Variants in NWD1 observed in about 807,000 individuals in gnomAD.
NWD1 encodes NACHT and WD repeat domain containing 1.
In NWD1, 129 loss-of-function variants were observed where a neutral mutation model predicts 135.1. That is an observed-to-expected ratio of 0.96 (90% confidence interval 0.83 to 1.11). NWD1 has a LOEUF of 1.11. Among genes scored for constraint, NWD1 ranks in the 50% least tolerant of loss-of-function variants. The pLI, the probability that NWD1 is intolerant of heterozygous loss-of-function variation, is 0.00. For synonymous variants in NWD1, 773 were observed against 786.0 expected (o/e 0.98, Z 0.28); for missense variants, 1,740 against 1,851.3 (o/e 0.94, Z 1.10).
chr19:16,813,302 A>G (rs1227328474), intron 18 of NWD1, among the ~76,000 whole-genome samples: 1 of 152,122 alleles, frequency 6.6e-6, no homozygotes, highest in Non-Finnish European at 1.5e-5. Context: ...AGAATTCTCA[A>G]TCTGTTTCCA....
intron 18 of NWD1, among the ~76,000 whole-genome samples, chr19:16,809,240 T>A (rs1361075108): frequency 6.6e-6 from 1 of 151,462 alleles, no homozygotes; most frequent in Non-Finnish European, 1.5e-5. Flanking sequence ...AGCACCACCA[T>A]GCCCAGCTAA....
chr19:16,748,486 C>T (rs1968413620), intron 5 of NWD1, among the ~76,000 whole-genome samples: 1 of 152,100 alleles, frequency 6.6e-6, no homozygotes, highest in South Asian at 2.1e-4. Context: ...GACTGCTCCT[C>T]ACATGGGACC....
At chr19:16,775,831 C>T (rs1969580077) in intron 11 of NWD1, among the ~76,000 whole-genome samples, 1 of 152,096 alleles carries the variant, frequency 6.6e-6, no homozygotes, top group South Asian at 2.1e-4. Context: ...CCATGCCTGG[C>T]TAATTTTTGT....
chr19:16,791,388 C>T lies in NWD1; in HGVS notation c.2979C>T (p.Phe993=), dbSNP rs1394814722. The T allele has an allele frequency of 1.2e-6, 2 of 1,613,940 alleles. No homozygotes were observed. The highest frequency in any genetic ancestry group is 1.7e-6 in the Non-Finnish European group (2 of 1,179,970). Residue 993 remains phenylalanine (F), a synonymous_variant, in exon 14 of 19, where the codon TTC becomes TTT. Coordinates refer to ENST00000524140, the MANE Select transcript of NWD1 (RefSeq NM_001007525.5). ...AWNLETAEPV[F]HILGDASDPW... Reference sequence around the variant, plus strand: ...ATCTGGAAACTGCAGAGCCGGTATTCCATATCCTGGGAGATGCCTCTGATC... The same window carrying T: ...ATCTGGAAACTGCAGAGCCGGTATTTCATATCCTGGGAGATGCCTCTGATC...
chr19:16,772,735 T>A (rs961119799), intron 10 of NWD1, among the ~76,000 whole-genome samples: 2 of 151,840 alleles, frequency 1.3e-5, no homozygotes, highest in African/African-American at 4.8e-5. Context: ...TTTGGGAGGC[T>A]GAGATGGGAG....
chr19:16,752,397 T>G (rs1968616235), intron 6 of NWD1, among the ~76,000 whole-genome samples: 1 of 152,212 alleles, frequency 6.6e-6, no homozygotes, highest in South Asian at 2.1e-4. Context: ...AGCTCACTCC[T>G]GTAATGCCAG....
At chr19:16,739,329 C>CA (rs67106916) in intron 4 of NWD1, among the ~76,000 whole-genome samples, 1,390 of 78,914 alleles carry the variant, frequency 0.018, 26 homozygotes, top group East Asian at 0.069. Flanking sequence ...CTATCTCTAC[C>CA]AAAAAAAAAA....
In NWD1 at chr19:16,773,291, C is replaced by T. The variant is rs1448942093; in HGVS notation, c.2576C>T (p.Pro859Leu). The T allele has an allele frequency of 3.1e-6, 5 of 1,613,124 alleles. No individual in the cohort carries two copies. Among genetic ancestry groups the T allele is most frequent in the African/African-American group, 1.3e-5 (1 of 75,040 alleles). ...GGATTCCTCCAGCCCCCGGGAGGAC[C>T]CCTCCGGGCAACTCTCAGCGGCTGT... ...LGGFLQPPGG[P>L]LRATLSGCHK... Residue 859 changes from proline (P) to leucine (L), a missense_variant, in exon 11 of 19, where the codon CCC becomes CTC. Physicochemically the swap from Pro to Leu is moderately conservative, Grantham distance 98. Coordinates refer to ENST00000524140, the MANE Select transcript of NWD1 (RefSeq NM_001007525.5).
At chr19:16,736,600 A>T in intron 3 of NWD1, 34 bp from the exon 4 acceptor site, 1 of 1,308,880 alleles carries the variant, frequency 7.6e-7, no homozygotes, top group African/African-American at 1.5e-5. Context: ...CTGTCATGCC[A>T]CCTCTCTGAC....
At chr19:16,754,712 C>T (rs1968719572) in intron 6 of NWD1, among the ~76,000 whole-genome samples, 1 of 151,270 alleles carries the variant, frequency 6.6e-6, no homozygotes, top group Non-Finnish European at 1.5e-5. Context: ...AGCATCCATC[C>T]ATCCATCCAT....
intron 17 of NWD1, among the ~76,000 whole-genome samples, chr19:16,805,503 A>G (rs1376511374): frequency 4.6e-5 from 7 of 151,872 alleles, no homozygotes; most frequent in African/African-American, 1.7e-4. Flanking sequence ...TAATTTTTTT[A>G]ATGTTTTTGC....
chr19:16,729,974 C>T (rs559716783), intron 2 of NWD1, among the ~76,000 whole-genome samples: 2 of 152,200 alleles, frequency 1.3e-5, no homozygotes, highest in Non-Finnish European at 2.9e-5. Flanking sequence ...TATTCTCTAG[C>T]CCAGCCCACC....
intron 2 of NWD1, among the ~76,000 whole-genome samples, chr19:16,725,852 C>G (rs1470694251): frequency 6.6e-6 from 1 of 152,084 alleles, no homozygotes; most frequent in Non-Finnish European, 1.5e-5. Context: ...TAGCTCACAG[C>G]AGCCTTGAAC....
At chr19:16,753,610 G>T (rs140011864) in intron 6 of NWD1, among the ~76,000 whole-genome samples, 29 of 152,252 alleles carry the variant, frequency 1.9e-4, no homozygotes, top group Admixed American at 1.2e-3. Flanking sequence ...AGCATTTTTG[G>T]TTGTCATGAC....
intron 5 of NWD1, among the ~76,000 whole-genome samples, chr19:16,748,395 G>C (rs1295843781): frequency 6.6e-6 from 1 of 152,164 alleles, no homozygotes; most frequent in Non-Finnish European, 1.5e-5. Context: ...ATTTTCAGCA[G>C]ATACCTGGGA....
At chr19:16,787,180 G>A (rs748811217) in intron 12 of NWD1, among the ~76,000 whole-genome samples, 2 of 151,968 alleles carry the variant, frequency 1.3e-5, no homozygotes, top group Non-Finnish European at 2.9e-5. Context: ...AGGCTGGAGT[G>A]CAGAGGAGTG....
At chr19:16,779,597 G>A in intron 12 of NWD1, 132 bp downstream of exon 12, 1 of 805,178 alleles carries the variant, frequency 1.2e-6, no homozygotes, top group South Asian at 1.6e-5. Flanking sequence ...AGCTATAGTT[G>A]CATAATGAAC....
intron 16 of NWD1, among the ~76,000 whole-genome samples, chr19:16,799,274 C>A (rs1158493032): frequency 6.6e-6 from 1 of 152,166 alleles, no homozygotes; most frequent in Non-Finnish European, 1.5e-5. Context: ...CAGCTCACTG[C>A]AATCTCTGCC....
At chr19:16,811,404 T>G (rs1176820567) in intron 18 of NWD1, among the ~76,000 whole-genome samples, 1 of 151,714 alleles carries the variant, frequency 6.6e-6, no homozygotes, top group East Asian at 1.9e-4. Flanking sequence ...ACCAACATGG[T>G]GAAACCTCAT....
Sources: allele counts gnomAD v4.1 joint callset (sites outside exome capture counted in the v4.1 genomes callset), GRCh38; gene constraint gnomAD v4.1.1; transcripts MANE v1.5; gene names NCBI Gene and HGNC (gene_info 2026-07-23, HGNC 2026-07-21).